Variants in EPHA3 observed in about 807,000 individuals in gnomAD.
EPHA3 encodes EPH receptor A3.
EPHA3 carries 42 observed loss-of-function variants against 107.1 expected under a neutral mutation model. That is an observed-to-expected ratio of 0.39 (90% CI 0.31 to 0.51). The LOEUF is 0.51. Among genes scored for constraint, EPHA3 ranks in the 20% least tolerant of loss-of-function variants. EPHA3 has a pLI of 0.78. For missense variants in EPHA3, 1,183 were observed against 1,211.2 expected (o/e 0.98, Z 0.35); for synonymous variants, 461 against 424.8 (o/e 1.09, Z -1.05).
chr3:89,262,154 C>A (rs779180374), intron 3 of EPHA3, among the ~76,000 whole-genome samples: 5 of 152,058 alleles, frequency 3.3e-5, no homozygotes, highest in Non-Finnish European at 7.4e-5. Context: ...TCAACTCCAA[C>A]TGTTCACAGA....
At chr3:89,133,141 C>G (rs1372812272) in intron 2 of EPHA3, among the ~76,000 whole-genome samples, 2 of 152,140 alleles carry the variant, frequency 1.3e-5, no homozygotes, top group Non-Finnish European at 2.9e-5. Context: ...TTACATGTCT[C>G]CTTAAATCTC....
At chr3:89,240,463 TAAGA>T (rs1704869146) in intron 3 of EPHA3, among the ~76,000 whole-genome samples, 1 of 152,084 alleles carries the variant, frequency 6.6e-6, no homozygotes, top group African/African-American at 2.4e-5. Context: ...GGCAGTTAAT[TAAGA>T]AAATTACATT....
intron 2 of EPHA3, among the ~76,000 whole-genome samples, chr3:89,208,482 G>GAAAGAAAGAAAAAGAAAGAAAGAAAGAA (rs796550208): frequency 7.9e-6 from 1 of 127,116 alleles, no homozygotes. Flanking sequence ...AAGAAAGAAA[G>GAAAGAAAGAAAAAGAAAGAAAGAAAGAA]AGAAAAAGAA....
rs1488434849 is a variant in EPHA3, at chr3:89,479,277, T to TTG, written c.2847-120_2847-119insTG. The TTG allele has an allele frequency of 4.0e-6, 3 of 752,428 alleles. No homozygotes were observed. The African/African-American group carries it at 5.2e-5, about 13-fold the overall frequency. The allele number at this position is 752,428 out of a possible 1,614,324, so 46.6% of individuals were successfully genotyped here. A position where few individuals can be genotyped will look rare whatever the true frequency, so the allele number is the denominator to read the frequency against. On this transcript the variant is annotated intron_variant, in intron 16 of 16. Coordinates refer to ENST00000336596, the MANE Select transcript of EPHA3 (RefSeq NM_005233.6). ...CCGGACATAACACAGATGATGCAAA[T>TTG]ATCAGACAATTAGGTCCACAGTACT...
intron 3 of EPHA3, among the ~76,000 whole-genome samples, chr3:89,228,522 T>G (rs1243791183): frequency 6.6e-6 from 1 of 151,954 alleles, no homozygotes; most frequent in African/African-American, 2.4e-5. Flanking sequence ...ATTTTGTGTG[T>G]AGAATAATTA....
At chr3:89,414,425 G>T (rs530823953) in intron 10 of EPHA3, among the ~76,000 whole-genome samples, 1 of 151,490 alleles carries the variant, frequency 6.6e-6, no homozygotes, top group Non-Finnish European at 1.5e-5. Context: ...AAACATATTC[G>T]CTGTACATCT....
intron 2 of EPHA3, among the ~76,000 whole-genome samples, chr3:89,127,719 C>G (rs1211220136): frequency 6.6e-6 from 1 of 151,882 alleles, no homozygotes; most frequent in Non-Finnish European, 1.5e-5. Context: ...CAGTATAAAC[C>G]TATGTTGTCT....
intron 3 of EPHA3, among the ~76,000 whole-genome samples, chr3:89,222,101 C>T (rs1559607427): frequency 2.0e-5 from 3 of 151,998 alleles, no homozygotes. Flanking sequence ...GCTTCTGTTT[C>T]CATTGCTCCT....
intron 3 of EPHA3, among the ~76,000 whole-genome samples, chr3:89,248,554 A>G (rs1437715661): frequency 6.6e-6 from 1 of 152,216 alleles, no homozygotes. Context: ...TCGGTGTAGT[A>G]ATAGATACAC....
chr3:89,468,090 C>T (rs1262619212), intron 15 of EPHA3, among the ~76,000 whole-genome samples: 3 of 152,168 alleles, frequency 2.0e-5, no homozygotes, highest in African/African-American at 4.8e-5. Context: ...ACAGGCTCTT[C>T]ACAGTGAGAG....
intron 2 of EPHA3, among the ~76,000 whole-genome samples, chr3:89,174,141 T>C (rs534161939): frequency 1.3e-5 from 2 of 152,056 alleles, no homozygotes; most frequent in Non-Finnish European, 2.9e-5. Flanking sequence ...GATTTTAATT[T>C]AATTGTGAAT....
At chr3:89,296,218 T>A (rs1706350462) in intron 3 of EPHA3, among the ~76,000 whole-genome samples, 1 of 152,232 alleles carries the variant, frequency 6.6e-6, no homozygotes, top group Non-Finnish European at 1.5e-5. Context: ...TAAGGGAATC[T>A]AGAATGGTGA....
At chr3:89,447,010 G>C (rs1709888945) in intron 13 of EPHA3, among the ~76,000 whole-genome samples, 2 of 152,092 alleles carry the variant, frequency 1.3e-5, no homozygotes, top group Admixed American at 6.6e-5. Flanking sequence ...GAGAAAGTAG[G>C]CCCAATGATT....
At chr3:89,276,064 G>A (rs943235775) in intron 3 of EPHA3, among the ~76,000 whole-genome samples, 12 of 152,098 alleles carry the variant, frequency 7.9e-5, no homozygotes, top group Middle Eastern at 3.4e-3. Context: ...AAACACTCAG[G>A]AAATAGAAAA....
chr3:89,290,642 G>T (rs1193075498), intron 3 of EPHA3, among the ~76,000 whole-genome samples: 3 of 152,170 alleles, frequency 2.0e-5, no homozygotes, highest in Admixed American at 1.3e-4. Flanking sequence ...AAAGGAGGTT[G>T]AGGCATATCT....
In EPHA3 at chr3:89,209,571, A is replaced by G. The variant is rs151328612; in HGVS notation, c.154-289A>G. On this transcript the variant is annotated intron_variant, in intron 2 of 16. Coordinates refer to ENST00000336596, the MANE Select transcript of EPHA3 (RefSeq NM_005233.6). ...TAATATTATAGTGTCATTGGAGACA[A>G]CTGATTTGAGGTTTTGATCCTGGAA... Among the ~76,000 whole-genome samples the G allele has an allele frequency of 1.1e-4, 17 of 152,276 alleles. No homozygotes were observed. In the East Asian group the frequency reaches 2.5e-3, roughly 22 times the overall value.
chr3:89,138,633 T>C (rs1236851236), intron 2 of EPHA3, among the ~76,000 whole-genome samples: 1 of 151,814 alleles, frequency 6.6e-6, no homozygotes. Context: ...TCAGGGAGGA[T>C]AGTGTAATTG....
intron 3 of EPHA3, among the ~76,000 whole-genome samples, chr3:89,328,714 T>C (rs1466445623): frequency 6.6e-6 from 1 of 152,170 alleles, no homozygotes; most frequent in African/African-American, 2.4e-5. Context: ...AAACAGCCAA[T>C]GCACTTAATA....
At chr3:89,203,235 T>C (rs1342492441) in intron 2 of EPHA3, among the ~76,000 whole-genome samples, 1 of 151,420 alleles carries the variant, frequency 6.6e-6, no homozygotes, top group Non-Finnish European at 1.5e-5. Context: ...ACCTAGGTTT[T>C]TTTGGTTTTG....
Sources: gnomAD v4.1 joint callset for allele counts (sites outside exome capture counted in the v4.1 genomes callset) on GRCh38, gnomAD v4.1.1 for gene constraint, MANE v1.5 for transcripts, NCBI Gene and HGNC (gene_info 2026-07-23, HGNC 2026-07-21) for gene names.